Variants in DMD observed in about 807,000 individuals in gnomAD.
DMD encodes the protein mutant dystrophin.
Under a neutral mutation model 330.1 loss-of-function variants are expected in DMD, and 63 were observed. The observed-to-expected ratio is 0.19, with a 90% confidence interval of 0.16 to 0.24. DMD has a LOEUF of 0.24. Among genes scored for constraint, DMD ranks in the 10% least tolerant of loss-of-function variants. The probability of loss-of-function intolerance (pLI) is 1.00; values close to 1 mark genes in which losing one functional copy is unlikely to be tolerated. For synonymous variants in DMD, 1,223 were observed against 959.8 expected (o/e 1.27, Z -5.07); for missense variants, 3,344 against 2,684.1 (o/e 1.25, Z -5.43).
intron 55 of DMD, among the ~76,000 whole-genome samples, chrX:31,554,929 G>C (rs1213054045): frequency 1.8e-5 from 2 of 112,013 alleles, no homozygotes; most frequent in Non-Finnish European, 3.8e-5. Flanking sequence ...CTATTTATGA[G>C]GTGCTGTCTG....
chrX:31,418,834 T>A (rs921287630), intron 60 of DMD, among the ~76,000 whole-genome samples: 1 of 112,755 alleles, frequency 8.9e-6, no homozygotes, highest in Non-Finnish European at 1.9e-5. Context: ...TGTCTTAGAT[T>A]GGTAACTCTC....
intron 2 of DMD, among the ~76,000 whole-genome samples, chrX:32,878,717 C>A (rs988004162): frequency 9.1e-6 from 1 of 110,382 alleles, no homozygotes; most frequent in Non-Finnish European, 1.9e-5. Context: ...CAGGATAAAT[C>A]GTAATATTGG....
intron 2 of DMD, among the ~76,000 whole-genome samples, chrX:33,005,865 G>A (rs970496002): frequency 1.1e-4 from 12 of 110,715 alleles, no homozygotes; most frequent in Admixed American, 2.9e-4. Context: ...TGAAAGAATC[G>A]AAAAATAACC....
At chrX:32,999,156 A>T (rs1443620401) in intron 2 of DMD, among the ~76,000 whole-genome samples, 1 of 112,730 alleles carries the variant, frequency 8.9e-6, no homozygotes, top group Non-Finnish European at 1.9e-5. Context: ...AGCAGTAGGG[A>T]AAATTTTGGA....
chrX:32,694,054 C>T (rs2063473806), intron 9 of DMD, among the ~76,000 whole-genome samples: 1 of 111,904 alleles, frequency 8.9e-6, no homozygotes, highest in African/African-American at 3.2e-5. Flanking sequence ...TATTTGAACT[C>T]ATCAGCAATA....
intron 76 of DMD, among the ~76,000 whole-genome samples, chrX:31,141,707 C>T (rs886679954): frequency 5.6e-4 from 62 of 111,130 alleles, no homozygotes; most frequent in African/African-American, 1.8e-3. Context: ...AGAGATGCTC[C>T]AAAGGTTGAT....
At chrX:32,480,597 C>T (rs774784085) in intron 21 of DMD, among the ~76,000 whole-genome samples, 1 of 111,110 alleles carries the variant, frequency 9.0e-6, no homozygotes, top group Non-Finnish European at 1.9e-5. Context: ...CAGTATGTGT[C>T]TGTGTGTGTA....
rs796354064 is a variant in DMD, at chrX:32,816,563, T to C, written c.435A>G (p.Arg145=). The C allele has an allele frequency of 8.3e-7, 1 of 1,211,659 alleles. No individual in the cohort carries two copies. Among genetic ancestry groups the C allele is most frequent in the Non-Finnish European group, 1.1e-6 (1 of 895,302 alleles). The part of the protein sequence containing the change: ...NSEKILLSWV[R]QSTRNYPQVN... ...CCTGTGGATAATTACGAGTTGATTGTCGGACCCAGCTCAGGAGAATCTTTT... is the reference window on the plus strand; with the variant it reads ...CCTGTGGATAATTACGAGTTGATTGCCGGACCCAGCTCAGGAGAATCTTTT... The change falls in exon 6 of 79, where the codon CGA becomes CGG. Residue 145 remains arginine, a synonymous_variant. Transcript: ENST00000357033.
At chrX:32,655,880 T>C (rs1462420182) in intron 9 of DMD, among the ~76,000 whole-genome samples, 2 of 111,696 alleles carry the variant, frequency 1.8e-5, no homozygotes, top group Non-Finnish European at 3.8e-5. Flanking sequence ...ATTGATCCCT[T>C]TACCATTATG....
chrX:32,229,465 G>A lies in DMD; in HGVS notation c.6291-12402C>T, dbSNP rs188035027. Among the ~76,000 whole-genome samples the A allele has an allele frequency of 6.0e-3, 635 of 105,347 alleles. 4 individuals carry two copies. The highest frequency in any genetic ancestry group is 0.02 in the African/African-American group (590 of 29,132). The allele number at this position is 105,347 out of a possible 115,157, so 91.5% of individuals were successfully genotyped here. ...TTATTCCTTTTCTTAAAGTATCGTT[G>A]CTTATATTGTCCTAAATTTTTCTAT... is the stretch of plus-strand genomic sequence containing the variant. On this transcript the variant is annotated intron_variant, in intron 43 of 78. Coordinates refer to ENST00000357033, the MANE Select transcript of DMD (RefSeq NM_004006.3).
intron 9 of DMD, among the ~76,000 whole-genome samples, chrX:32,692,610 T>C (rs1474876267): frequency 3.6e-5 from 4 of 111,744 alleles, no homozygotes; most frequent in Admixed American, 1.9e-4. Flanking sequence ...AAGGCATTAC[T>C]ATGTTCTGCT....
chrX:32,498,990 T>G (rs1297475773), intron 19 of DMD, among the ~76,000 whole-genome samples: 1 of 111,993 alleles, frequency 8.9e-6, no homozygotes, highest in African/African-American at 3.2e-5. Context: ...TTTTCTGCAT[T>G]ACTTAAGTGA....
intron 7 of DMD, among the ~76,000 whole-genome samples, chrX:32,732,963 C>A (rs1162548097): frequency 9.0e-6 from 1 of 111,256 alleles, no homozygotes. Flanking sequence ...AAGACACAGA[C>A]TGGCAACTTG....
At chrX:33,083,977 T>C (rs974379621) in intron 1 of DMD, among the ~76,000 whole-genome samples, 5 of 110,912 alleles carry the variant, frequency 4.5e-5, no homozygotes, top group Non-Finnish European at 9.5e-5. Context: ...GCACCTAGGA[T>C]ACTCACCAAT....
chrX:33,266,776 T>C (rs776311322), intron 1 of DMD, among the ~76,000 whole-genome samples: 98 of 110,258 alleles, frequency 8.9e-4, no homozygotes, highest in African/African-American at 3.2e-3. Flanking sequence ...CAGAAAAAAG[T>C]TTTCAATAAA....
chrX:33,266,154 G>A (rs1224500206), intron 1 of DMD, among the ~76,000 whole-genome samples: 3 of 111,242 alleles, frequency 2.7e-5, no homozygotes, highest in African/African-American at 9.8e-5. Flanking sequence ...TCCTTGATTT[G>A]AAGCAAACTT....
In DMD at chrX:31,858,916, C is replaced by T. The variant is rs115052147; in HGVS notation, c.7098+16272G>A. ...CAAGTTGCTCCAACTTTTTGGAAGG[C>T]ATCCTTATACATAATGGATAATCAC... On this transcript the variant is annotated intron_variant, in intron 48 of 78. Transcript: ENST00000357033. 5.3e-3 allele frequency among the ~76,000 whole-genome samples: 591 copies of T among 111,825 alleles called. 5 individuals are homozygous for T. The highest frequency in any genetic ancestry group is 0.018 in the African/African-American group (562 of 30,781).
chrX:31,243,719 AGT>A (rs1231968122), intron 63 of DMD, among the ~76,000 whole-genome samples: 2 of 112,765 alleles, frequency 1.8e-5, no homozygotes, highest in Non-Finnish European at 3.8e-5. Flanking sequence ...AAGTATTATG[AGT>A]GTAAATGGCT....
intron 11 of DMD, among the ~76,000 whole-genome samples, chrX:32,633,987 C>A (rs2058918073): frequency 8.9e-6 from 1 of 111,845 alleles, no homozygotes; most frequent in Non-Finnish European, 1.9e-5. Context: ...TGAGCAGGCA[C>A]ACATGTCCAA....
Sources: allele counts gnomAD v4.1 joint callset (sites outside exome capture counted in the v4.1 genomes callset), GRCh38; gene constraint gnomAD v4.1.1; transcripts MANE v1.5; gene names NCBI Gene and HGNC (gene_info 2026-07-23, HGNC 2026-07-21).